Variants in ASIC2 observed in about 807,000 individuals in gnomAD.
ASIC2 encodes the protein acid-sensing ion channel 2.
Under a neutral mutation model 57.3 loss-of-function variants are expected in ASIC2, and 25 were observed. The observed-to-expected ratio is 0.44, with a 90% CI of 0.32 to 0.61. The LOEUF is 0.61. Ranked by LOEUF, ASIC2 falls within the 20% of genes least tolerant of loss-of-function variation. The probability of loss-of-function intolerance (pLI) is 0.06; values close to 1 mark genes in which losing one functional copy is unlikely to be tolerated. For synonymous variants in ASIC2, 319 were observed against 307.5 expected (o/e 1.04, Z -0.39); for missense variants, 641 against 738.1 (o/e 0.87, Z 1.52).
chr17:33,784,723 T>C (rs1911553297), intron 1 of ASIC2, among the ~76,000 whole-genome samples: 1 of 152,236 alleles, frequency 6.6e-6, no homozygotes, highest in Non-Finnish European at 1.5e-5. Context: ...TAGCACTTCT[T>C]GATTCCCATG....
At chr17:33,981,950 A>G (rs766065301) in intron 1 of ASIC2, among the ~76,000 whole-genome samples, 7 of 152,168 alleles carry the variant, frequency 4.6e-5, no homozygotes, top group Non-Finnish European at 1.0e-4. Flanking sequence ...AACCACTACT[A>G]TCAGGGAGAA....
chr17:33,672,102 C>A (rs1907656011), intron 1 of ASIC2, among the ~76,000 whole-genome samples: 2 of 152,114 alleles, frequency 1.3e-5, no homozygotes, highest in South Asian at 4.1e-4. Context: ...AAAAATAAAC[C>A]TCCCGGTTCT....
At chr17:33,297,847 T>C (rs888063239), upstream of ASIC2, among the ~76,000 whole-genome samples, 64 of 141,200 alleles carry the variant, frequency 4.5e-4, no homozygotes, top group African/African-American at 1.9e-3. Flanking sequence ...AATAAATAAA[T>C]AAATAAATAA....
chr17:34,025,795 C>G (rs988717788), intron 1 of ASIC2, among the ~76,000 whole-genome samples: 1 of 152,158 alleles, frequency 6.6e-6, no homozygotes, highest in Admixed American at 6.5e-5. Context: ...AAATACTGCC[C>G]TCATGCATCA....
chr17:33,316,372 CCAA>C (rs752032172), intron 1 of ASIC2, among the ~76,000 whole-genome samples: 46 of 152,350 alleles, frequency 3.0e-4, no homozygotes, highest in Admixed American at 7.8e-4. Context: ...CCACTGCTCT[CCAA>C]CAAGTGCTCT....
At chr17:34,093,846 C>A (rs1442574148) in intron 1 of ASIC2, among the ~76,000 whole-genome samples, 1 of 152,054 alleles carries the variant, frequency 6.6e-6, no homozygotes, top group Non-Finnish European at 1.5e-5. Context: ...TAGGATGAAC[C>A]CTAGGGCCCC....
chr17:33,894,144 C>T (rs9900212), intron 1 of ASIC2, among the ~76,000 whole-genome samples: 68,313 of 152,016 alleles, frequency 0.45, 15,589 homozygotes, highest in East Asian at 0.59. Flanking sequence ...GATGATAGGG[C>T]TTGATGAACC....
intron 1 of ASIC2, among the ~76,000 whole-genome samples, chr17:33,828,889 T>C (rs779156300): frequency 3.5e-4 from 53 of 152,170 alleles, no homozygotes; most frequent in Admixed American, 1.2e-3. Flanking sequence ...GGAAGGCTTC[T>C]AGCAGAAGAA....
chr17:33,648,139 C>T (rs1170512368), intron 1 of ASIC2, among the ~76,000 whole-genome samples: 2 of 152,152 alleles, frequency 1.3e-5, no homozygotes, highest in African/African-American at 2.4e-5. Flanking sequence ...TCAAGATGAA[C>T]AGAGTCCAGT....
chr17:33,545,664 T>C (rs1915554653), intron 1 of ASIC2, among the ~76,000 whole-genome samples: 1 of 152,128 alleles, frequency 6.6e-6, no homozygotes, highest in South Asian at 2.1e-4. Flanking sequence ...AAAAACCTCC[T>C]CACTTCTCTA....
chr17:34,102,330 A>C (rs1438836228), intron 1 of ASIC2, among the ~76,000 whole-genome samples: 1 of 152,074 alleles, frequency 6.6e-6, no homozygotes, highest in African/African-American at 2.4e-5. Context: ...ACTCCGTCTA[A>C]AAAATAAATA....
chr17:33,769,738 T>C (rs1911039481), intron 1 of ASIC2, among the ~76,000 whole-genome samples: 1 of 152,186 alleles, frequency 6.6e-6, no homozygotes, highest in South Asian at 2.1e-4. Flanking sequence ...ACAGCAAACA[T>C]TTATTTCCCA....
At chr17:33,579,211 G>C (rs147077240) in intron 1 of ASIC2, among the ~76,000 whole-genome samples, 1 of 150,946 alleles carries the variant, frequency 6.6e-6, no homozygotes, top group African/African-American at 2.4e-5. Flanking sequence ...GCTTGAACCC[G>C]GGAGGCAGAG....
At chr17:33,582,405 T>C (rs1760691540) in intron 1 of ASIC2, among the ~76,000 whole-genome samples, 1 of 152,196 alleles carries the variant, frequency 6.6e-6, no homozygotes, top group Admixed American at 6.5e-5. Flanking sequence ...GATTCCAGGA[T>C]GTGTTCAACC....
intron 1 of ASIC2, among the ~76,000 whole-genome samples, chr17:33,239,011 C>A (rs1201630047): frequency 6.9e-6 from 1 of 144,456 alleles, no homozygotes; most frequent in Non-Finnish European, 1.5e-5. Context: ...CTCAAAAAAA[C>A]AAACAAACAA....
intron 1 of ASIC2, among the ~76,000 whole-genome samples, chr17:33,741,117 G>A (rs1188835917): frequency 6.6e-6 from 1 of 152,142 alleles, no homozygotes; most frequent in Non-Finnish European, 1.5e-5. Flanking sequence ...GCAGGTCAAG[G>A]GCATCAGGGA....
At chr17:33,648,736 T>A (rs1906827265) in intron 1 of ASIC2, among the ~76,000 whole-genome samples, 1 of 152,242 alleles carries the variant, frequency 6.6e-6, no homozygotes, top group Non-Finnish European at 1.5e-5. Flanking sequence ...TTGAGCTTAT[T>A]GTTGATTCAT....
intron 1 of ASIC2, among the ~76,000 whole-genome samples, chr17:33,562,728 GGGTT>G (rs532194575): frequency 1.5e-3 from 222 of 152,280 alleles, no homozygotes; most frequent in African/African-American, 5.0e-3. Flanking sequence ...AGCCTCCAGA[GGGTT>G]GATATGTGAG....
intron 1 of ASIC2, among the ~76,000 whole-genome samples, chr17:33,892,369 A>C (rs1200936897): frequency 1.3e-5 from 2 of 152,110 alleles, no homozygotes; most frequent in Admixed American, 1.3e-4. Flanking sequence ...TCTGGGGAAT[A>C]AGGATCCCAG....
Sources: gnomAD v4.1 joint callset for allele counts (sites outside exome capture counted in the v4.1 genomes callset) on GRCh38, gnomAD v4.1.1 for gene constraint, MANE v1.5 for transcripts, NCBI Gene and HGNC (gene_info 2026-07-23, HGNC 2026-07-21) for gene names.